The following SAMD3 variants were observed in gnomAD, a reference collection of about 807,000 sequenced individuals.
SAMD3 encodes the protein sterile alpha motif domain-containing protein 3.
Under a neutral mutation model 58.5 loss-of-function variants are expected in SAMD3, and 63 were observed. That is an observed-to-expected ratio of 1.08 (90% CI 0.88 to 1.33). The LOEUF is 1.33. Among genes scored for constraint, SAMD3 ranks in the 40% most tolerant of loss-of-function variants. The pLI is 0.00. For synonymous variants in SAMD3, 220 were observed against 210.3 expected, an observed-to-expected ratio of 1.05 and a Z score of -0.40; for missense variants, 604 against 608.4, an observed-to-expected ratio of 0.99 and a Z score of 0.08.
chr6:130,219,670 C>T (rs952976939), intron 1 of SAMD3, among the ~76,000 whole-genome samples: 2 of 152,088 alleles, frequency 1.3e-5, no homozygotes, highest in African/African-American at 4.8e-5. Flanking sequence ...TAATTCATTC[C>T]TTTTTATGGT....
upstream of SAMD3, among the ~76,000 whole-genome samples, chr6:130,223,889 G>A (rs1796307576): frequency 6.6e-6 from 1 of 152,182 alleles, no homozygotes; most frequent in Non-Finnish European, 1.5e-5. Context: ...GTGTTAATCA[G>A]CTCAATTAGA....
chr6:130,313,501 AAG>A (rs1467546881), intron 1 of SAMD3, among the ~76,000 whole-genome samples: 1 of 152,220 alleles, frequency 6.6e-6, no homozygotes, highest in African/African-American at 2.4e-5. Flanking sequence ...CGGAAAATAA[AAG>A]TGCAGCTGTA....
chr6:130,244,408 C>T (rs1025228906), intron 2 of SAMD3, among the ~76,000 whole-genome samples: 1 of 152,128 alleles, frequency 6.6e-6, no homozygotes, highest in Non-Finnish European at 1.5e-5. Context: ...CGGTAAAGTA[C>T]TTAATATTTC....
intron 5 of SAMD3, among the ~76,000 whole-genome samples, chr6:130,191,315 C>G (rs572282522): frequency 9.2e-5 from 14 of 152,236 alleles, no homozygotes; most frequent in South Asian, 8.3e-4. Context: ...CTGAGGACAA[C>G]TGTGAGCCAG....
intron 8 of SAMD3, among the ~76,000 whole-genome samples, chr6:130,170,196 C>T (rs145607171): frequency 2.1e-4 from 32 of 152,302 alleles, no homozygotes; most frequent in African/African-American, 7.0e-4. Flanking sequence ...TCTCCCTCCC[C>T]TTGTCCCCCA....
At chr6:130,224,871 G>T (rs1312840604), upstream of SAMD3, among the ~76,000 whole-genome samples, 3 of 152,022 alleles carry the variant, frequency 2.0e-5, no homozygotes, top group Admixed American at 6.6e-5. Flanking sequence ...GCCTGCCTCG[G>T]CCTCCTAAAG....
At chr6:130,349,042 C>T (rs1471410058) in intron 1 of SAMD3, among the ~76,000 whole-genome samples, 1 of 152,040 alleles carries the variant, frequency 6.6e-6, no homozygotes, top group Admixed American at 6.5e-5. Context: ...AGAACAAAGA[C>T]ACAACATACC....
At chr6:130,222,623 AAT>A (rs1262659153) in intron 1 of SAMD3, 69 bp downstream of exon 1, 11 of 152,208 alleles carry the variant, frequency 7.2e-5, no homozygotes, top group Non-Finnish European at 1.6e-4. Context: ...AATTTTTCTC[AAT>A]GAAAGAATTT....
chr6:130,250,494 T>A (rs915398294), intron 2 of SAMD3, among the ~76,000 whole-genome samples: 1 of 152,156 alleles, frequency 6.6e-6, no homozygotes, highest in African/African-American at 2.4e-5. Context: ...TTTAGTATAT[T>A]TCCAGAGATG....
At chr6:130,175,252 T>C (rs1233584304) in intron 8 of SAMD3, among the ~76,000 whole-genome samples, 3 of 152,182 alleles carry the variant, frequency 2.0e-5, no homozygotes, top group African/African-American at 7.2e-5. Context: ...GGAATATATA[T>C]AGGATCTCAG....
chr6:130,253,168 C>A (rs1199001329), intron 2 of SAMD3, among the ~76,000 whole-genome samples: 2 of 152,146 alleles, frequency 1.3e-5, no homozygotes, highest in Non-Finnish European at 2.9e-5. Context: ...CCAGCACATC[C>A]TTTTCTGGGA....
chr6:130,347,798 A>C (rs1484877645), intron 1 of SAMD3, among the ~76,000 whole-genome samples: 1 of 152,218 alleles, frequency 6.6e-6, no homozygotes, highest in Non-Finnish European at 1.5e-5. Flanking sequence ...AGTTGAAATG[A>C]AGGAAAAAAT....
chr6:130,274,162 C>T (rs1397895354), intron 2 of SAMD3, among the ~76,000 whole-genome samples: 3 of 152,078 alleles, frequency 2.0e-5, no homozygotes, highest in Non-Finnish European at 4.4e-5. Context: ...GTATCGTATT[C>T]TTGGTATACA....
At chr6:130,170,759 A>G (rs1196065809) in intron 8 of SAMD3, among the ~76,000 whole-genome samples, 2 of 152,158 alleles carry the variant, frequency 1.3e-5, no homozygotes, top group Non-Finnish European at 2.9e-5. Flanking sequence ...TTATTGGTGT[A>G]TAGGAATGCT....
chr6:130,158,188 A>G (rs537032333), intron 8 of SAMD3, among the ~76,000 whole-genome samples: 5 of 151,572 alleles, frequency 3.3e-5, no homozygotes, highest in Middle Eastern at 3.4e-3. Flanking sequence ...AAAAACCACA[A>G]TTTTTTTTAT....
At chr6:130,270,470 C>T (rs181752141) in intron 2 of SAMD3, among the ~76,000 whole-genome samples, 13 of 152,282 alleles carry the variant, frequency 8.5e-5, no homozygotes, top group East Asian at 7.7e-4. Context: ...TTTTCTAGGA[C>T]GTCATTGGCC....
intron 5 of SAMD3, among the ~76,000 whole-genome samples, chr6:130,197,081 C>T (rs1384939647): frequency 6.6e-6 from 1 of 152,226 alleles, no homozygotes; most frequent in East Asian, 1.9e-4. Flanking sequence ...AGCTCAGCCA[C>T]CAACTTAAAA....
At chr6:130,156,428 G>A (rs1485317326) in intron 8 of SAMD3, among the ~76,000 whole-genome samples, 1 of 152,152 alleles carries the variant, frequency 6.6e-6, no homozygotes. Context: ...AAGGAAAAGT[G>A]CAGTCACTCT....
intron 1 of SAMD3, among the ~76,000 whole-genome samples, chr6:130,323,880 G>T (rs1176355991): frequency 6.6e-6 from 1 of 150,406 alleles, no homozygotes; most frequent in African/African-American, 2.5e-5. Flanking sequence ...GTGTCTTCTG[G>T]TTCCCTTTCA....
Sources: gnomAD v4.1 joint callset for allele counts (sites outside exome capture counted in the v4.1 genomes callset) on GRCh38, gnomAD v4.1.1 for gene constraint, MANE v1.5 for transcripts, NCBI Gene and HGNC (gene_info 2026-07-23, HGNC 2026-07-21) for gene names.